The following FAM135B variants were observed in gnomAD, a reference collection of about 807,000 sequenced individuals.
FAM135B encodes the protein family with sequence similarity 135 member B, also known as protein FAM135B.
A neutral mutation model predicts 127.7 loss-of-function variants in FAM135B; 43 were observed. That is an observed-to-expected ratio of 0.34 (90% CI 0.26 to 0.43). The LOEUF is 0.43. Among genes scored for constraint, FAM135B ranks in the 20% least tolerant of loss-of-function variants. The probability of loss-of-function intolerance (pLI) is 1.00; values close to 1 mark genes in which losing one functional copy is unlikely to be tolerated. For synonymous variants in FAM135B, 670 were observed against 665.1 expected (o/e 1.01, Z -0.11); for missense variants, 1,558 against 1,725.6 (o/e 0.90, Z 1.72).
chr8:138,392,396 A>G (rs1266862382), intron 1 of FAM135B, among the ~76,000 whole-genome samples: 1 of 152,168 alleles, frequency 6.6e-6, no homozygotes, highest in Non-Finnish European at 1.5e-5. Flanking sequence ...GTTGCAAGGG[A>G]AAAGTGAGGG....
chr8:138,453,826 C>T (rs374379083), intron 1 of FAM135B, among the ~76,000 whole-genome samples: 1 of 152,134 alleles, frequency 6.6e-6, no homozygotes, highest in Non-Finnish European at 1.5e-5. Context: ...GGCCTCAGTA[C>T]CTGCATAGTG....
At chr8:138,180,897 G>C (rs567237014) in intron 9 of FAM135B, among the ~76,000 whole-genome samples, 1 of 152,246 alleles carries the variant, frequency 6.6e-6, no homozygotes, top group African/African-American at 2.4e-5. Flanking sequence ...GGGTCAAACA[G>C]GGAATGGCCA....
intron 1 of FAM135B, among the ~76,000 whole-genome samples, chr8:138,405,576 G>T (rs1276322330): frequency 6.6e-6 from 1 of 151,862 alleles, no homozygotes; most frequent in Non-Finnish European, 1.5e-5. Context: ...GTATTCCATG[G>T]TGTATATGTG....
intron 12 of FAM135B, among the ~76,000 whole-genome samples, chr8:138,159,518 A>ACCG (rs1819145000): frequency 6.9e-6 from 1 of 145,776 alleles, no homozygotes; most frequent in Non-Finnish European, 1.5e-5. Context: ...AAAACCAAAC[A>ACCG]CCACATGTTC....
chr8:138,424,593 C>T (rs988525013), intron 1 of FAM135B, among the ~76,000 whole-genome samples: 1 of 152,200 alleles, frequency 6.6e-6, no homozygotes, highest in African/African-American at 2.4e-5. Flanking sequence ...CTTCCCAGTG[C>T]TCTCCCTATT....
At chr8:138,245,448 A>G (rs1165907057) in intron 6 of FAM135B, among the ~76,000 whole-genome samples, 1 of 152,026 alleles carries the variant, frequency 6.6e-6, no homozygotes, top group Non-Finnish European at 1.5e-5. Context: ...CTAGTGAGTG[A>G]GTTCTCATGA....
intron 1 of FAM135B, among the ~76,000 whole-genome samples, chr8:138,389,756 G>A (rs1322811689): frequency 2.6e-5 from 4 of 152,178 alleles, no homozygotes; most frequent in Non-Finnish European, 5.9e-5. Flanking sequence ...GGACAATATT[G>A]CGGATATGCT....
chr8:138,456,621 G>A (rs544517769), intron 1 of FAM135B, among the ~76,000 whole-genome samples: 1 of 152,234 alleles, frequency 6.6e-6, no homozygotes, highest in South Asian at 2.1e-4. Context: ...CAATTCCTAG[G>A]TAACAATTAT....
intron 9 of FAM135B, among the ~76,000 whole-genome samples, chr8:138,194,368 C>A (rs1267202883): frequency 6.6e-6 from 1 of 152,178 alleles, no homozygotes; most frequent in Admixed American, 6.5e-5. Flanking sequence ...CTGGATTTTA[C>A]TAACTTTGTA....
At chr8:138,357,712 A>G (rs992852094) in intron 2 of FAM135B, among the ~76,000 whole-genome samples, 1 of 152,028 alleles carries the variant, frequency 6.6e-6, no homozygotes, top group Non-Finnish European at 1.5e-5. Flanking sequence ...TCTTTCTTAT[A>G]CCTCCTCTGG....
intron 3 of FAM135B, among the ~76,000 whole-genome samples, chr8:138,303,043 T>C (rs911321804): frequency 6.6e-6 from 1 of 152,234 alleles, no homozygotes; most frequent in African/African-American, 2.4e-5. Flanking sequence ...CTCAAGGATC[T>C]AGAACCAGAA....
intron 3 of FAM135B, among the ~76,000 whole-genome samples, chr8:138,280,580 T>A (rs573102763): frequency 6.6e-6 from 1 of 152,326 alleles, no homozygotes; most frequent in Admixed American, 6.5e-5. Context: ...CATGTCTGTA[T>A]GAGTTCCTTA....
At chr8:138,227,279 A>G (rs1427439159) in intron 7 of FAM135B, among the ~76,000 whole-genome samples, 2 of 152,212 alleles carry the variant, frequency 1.3e-5, no homozygotes, top group Admixed American at 6.5e-5. Context: ...CTGGGAAATA[A>G]TAACAAAGTC....
intron 12 of FAM135B, among the ~76,000 whole-genome samples, chr8:138,158,507 C>A (rs926510453): frequency 6.6e-6 from 1 of 152,086 alleles, no homozygotes; most frequent in Non-Finnish European, 1.5e-5. Context: ...AACAGGCAAC[C>A]TACAGAATGG....
intron 8 of FAM135B, among the ~76,000 whole-genome samples, chr8:138,197,075 ATGTGTGTGTGTGTGTGTGTGTGTGTGTG>A (rs6150843): frequency 1.5e-5 from 2 of 132,354 alleles, no homozygotes; most frequent in African/African-American, 5.4e-5. Context: ...ATGTATGCAT[ATGTGTGTGTGTGTGTGTGTGTGTGTGTG>A]TGTGTGTGTG....
intron 7 of FAM135B, among the ~76,000 whole-genome samples, chr8:138,215,387 G>A (rs1818466165): frequency 1.3e-5 from 2 of 152,200 alleles, no homozygotes; most frequent in Admixed American, 6.5e-5. Context: ...TTAATTGAAA[G>A]TATGGACTCT....
intron 2 of FAM135B, among the ~76,000 whole-genome samples, chr8:138,355,980 A>G (rs28375372): frequency 0.035 from 5,286 of 152,218 alleles, 263 homozygotes; most frequent in African/African-American, 0.11. Flanking sequence ...TGGATGAGTG[A>G]CTTATAAAAG....
intron 2 of FAM135B, 49 bp downstream of exon 2, chr8:138,367,858 A>G: frequency 7.4e-7 from 1 of 1,351,498 alleles, no homozygotes; most frequent in Non-Finnish European, 1.0e-6. Context: ...AAAGAAACAA[A>G]CAACACACAC....
In FAM135B at chr8:138,243,138, T is replaced by C. The variant is rs2130390111; in HGVS notation, c.543-70A>G. The C allele has an allele frequency of 6.5e-7, 1 of 1,528,256 alleles. No individual in the cohort carries two copies. Among genetic ancestry groups the C allele is most frequent in the South Asian group, 1.3e-5 (1 of 76,560 alleles). 94.7% of individuals were successfully genotyped at this position (1,528,256 alleles called of 1,614,324 possible). ...GTGATGGTGCCATTAACTCAGCCCCTTTGAGGAGTGTTCCTGTGAAGCATT... is the reference window on the plus strand; with the variant it reads ...GTGATGGTGCCATTAACTCAGCCCCCTTGAGGAGTGTTCCTGTGAAGCATT... On this transcript the variant is annotated intron_variant, in intron 6 of 19. Transcript: ENST00000395297. This position sits in a 1 kb window ranked among gnomAD's most constrained non-coding sequence, Gnocchi z 7.5.
Sources: allele counts gnomAD v4.1 joint callset (sites outside exome capture counted in the v4.1 genomes callset), GRCh38; gene constraint gnomAD v4.1.1; non-coding constraint Gnocchi (gnomAD v3.1); transcripts MANE v1.5; gene names NCBI Gene and HGNC (gene_info 2026-07-23, HGNC 2026-07-21).